The following TENM1 variants were observed in gnomAD, a reference collection of about 807,000 sequenced individuals.
TENM1 encodes teneurin-1.
In TENM1, 35 loss-of-function variants were observed where a neutral mutation model predicts 174.8. That is an observed-to-expected ratio of 0.20 (90% confidence interval 0.15 to 0.27). The LOEUF is 0.27. TENM1 is among the 10% of genes least tolerant of loss of function. The pLI, the probability that TENM1 is intolerant of heterozygous loss-of-function variation, is 1.00. For synonymous variants in TENM1, 781 were observed against 798.7 expected, an observed-to-expected ratio of 0.98 and a Z score of 0.37; for missense variants, 1,633 against 2,130.1, an observed-to-expected ratio of 0.77 and a Z score of 4.59.
At chrX:124,392,437 C>G in intron 27 of TENM1, 89 bp from the exon 31 acceptor site, 1 of 760,412 alleles carries the variant, frequency 1.3e-6, no homozygotes, top group Non-Finnish European at 1.9e-6. Context: ...TCCTGATTAT[C>G]CAACGATAGA....
At chrX:124,933,943 CAT>C (rs750418050) in intron 1 of TENM1, among the ~76,000 whole-genome samples, 59 of 111,413 alleles carry the variant, frequency 5.3e-4, no homozygotes, top group African/African-American at 1.6e-3. Context: ...CATTTTATCT[CAT>C]GTTTTTATTA....
chrX:124,554,695 C>T (rs901174797), intron 14 of TENM1, among the ~76,000 whole-genome samples: 9 of 111,737 alleles, frequency 8.1e-5, no homozygotes, highest in African/African-American at 2.9e-4. Flanking sequence ...CATGCTGGTG[C>T]CATTCTAAAC....
At chrX:125,044,643 T>C in the TENM1 span, among the ~76,000 whole-genome samples, 1 of 110,888 alleles carries the variant, frequency 9.0e-6, no homozygotes, top group African/African-American at 3.3e-5. Context: ...AGCCTGAGTA[T>C]TATCAATAAC....
the TENM1 span, among the ~76,000 whole-genome samples, chrX:125,045,579 G>A: frequency 9.0e-6 from 1 of 111,130 alleles, no homozygotes; most frequent in Non-Finnish European, 1.9e-5. Context: ...GGCTATAGAC[G>A]ATCTATATTA....
chrX:124,474,568 T>G (rs2061367711), intron 22 of TENM1, among the ~76,000 whole-genome samples: 1 of 112,005 alleles, frequency 8.9e-6, no homozygotes, highest in Admixed American at 9.5e-5. Flanking sequence ...AAACTTAATA[T>G]AGGTCTTCCA....
Position 124,566,799 on chromosome X carries a change from G to T in TENM1, c.2078-1239C>A, listed in dbSNP as rs765316942. On this transcript the variant is annotated intron_variant, in intron 11 of 31. Transcript: ENST00000422452. ...TCACAAGTATTCTTTGAAGGTCAGGGTATGATGGGAAGAGTAGTAAATTTG... is the reference window on the plus strand; with the variant it reads ...TCACAAGTATTCTTTGAAGGTCAGGTTATGATGGGAAGAGTAGTAAATTTG... 4.5e-5 allele frequency among the ~76,000 whole-genome samples: 5 copies of T among 111,820 alleles called. No homozygotes were observed. In the South Asian group the frequency reaches 1.9e-3, roughly 42 times the overall value.
chrX:124,627,805 C>G (rs1438682847), intron 11 of TENM1, among the ~76,000 whole-genome samples: 5 of 111,973 alleles, frequency 4.5e-5, no homozygotes, highest in Non-Finnish European at 9.4e-5. Flanking sequence ...ATTCTGCTCT[C>G]TCCAAGTTAC....
chrX:125,160,154 C>T, the TENM1 span, among the ~76,000 whole-genome samples: 1 of 101,940 alleles, frequency 9.8e-6, no homozygotes, highest in Non-Finnish European at 2.0e-5. Context: ...GAGCTGAGAT[C>T]ACCACTACTG....
intron 3 of TENM1, among the ~76,000 whole-genome samples, chrX:124,839,092 A>G (rs1004355377): frequency 3.6e-5 from 4 of 111,881 alleles, no homozygotes; most frequent in African/African-American, 1.3e-4. Context: ...TATTCATACA[A>G]TGGAATATTA....
chrX:124,460,645 G>C (rs905137819), intron 22 of TENM1, among the ~76,000 whole-genome samples: 59 of 109,186 alleles, frequency 5.4e-4, no homozygotes, highest in African/African-American at 1.9e-3. Context: ...CTTAATACCT[G>C]GGTGATGAAA....
the TENM1 span, among the ~76,000 whole-genome samples, chrX:125,153,544 T>TAACA: frequency 1.8e-5 from 2 of 112,430 alleles, no homozygotes; most frequent in Non-Finnish European, 1.9e-5. Flanking sequence ...TAATCCCATC[T>TAACA]AACATTTGTA....
intron 28 of TENM1, among the ~76,000 whole-genome samples, chrX:124,389,326 A>T (rs775338720): frequency 1.6e-4 from 18 of 112,334 alleles, no homozygotes; most frequent in Middle Eastern, 4.6e-3. Context: ...GTAATACCAG[A>T]GTATTTTGGG....
intron 5 of TENM1, among the ~76,000 whole-genome samples, chrX:124,684,447 A>G (rs913364738): frequency 1.8e-5 from 2 of 112,670 alleles, no homozygotes; most frequent in Non-Finnish European, 3.8e-5. Context: ...AGAGTGAAGT[A>G]AACACCTAAC....
upstream of TENM1, among the ~76,000 whole-genome samples, chrX:124,966,954 G>A (rs1368816858): frequency 1.8e-5 from 2 of 111,507 alleles, no homozygotes; most frequent in African/African-American, 3.3e-5. Flanking sequence ...TGGAGAGAAC[G>A]TGGAAATGCA....
At chrX:124,396,047 T>C (rs2060329414) in intron 27 of TENM1, among the ~76,000 whole-genome samples, 1 of 111,771 alleles carries the variant, frequency 8.9e-6, no homozygotes, top group Non-Finnish European at 1.9e-5. Flanking sequence ...AGGACAACTC[T>C]GCCTAATGTT....
At chrX:125,153,036 T>C in the TENM1 span, among the ~76,000 whole-genome samples, 102 of 111,765 alleles carry the variant, frequency 9.1e-4, no homozygotes, top group African/African-American at 3.1e-3. Flanking sequence ...GGTAAAAACT[T>C]TGTTTCCCCC....
At chrX:124,805,256 G>A (rs758453060) in intron 3 of TENM1, among the ~76,000 whole-genome samples, 2 of 112,082 alleles carry the variant, frequency 1.8e-5, no homozygotes, top group South Asian at 7.6e-4. Flanking sequence ...TGAGTAATGG[G>A]AGGAATAATT....
chrX:124,501,710 G>A (rs2047334371), intron 19 of TENM1, among the ~76,000 whole-genome samples: 1 of 111,391 alleles, frequency 9.0e-6, no homozygotes, highest in Non-Finnish European at 1.9e-5. Flanking sequence ...CTGACCCGAG[G>A]GGGAAAGAGC....
chrX:124,645,979 T>G (rs1376471739), intron 9 of TENM1, among the ~76,000 whole-genome samples: 1 of 111,830 alleles, frequency 8.9e-6, no homozygotes, highest in African/African-American at 3.3e-5. Flanking sequence ...AGCAAGTGTT[T>G]TAGAATTCGC....
Sources: gnomAD v4.1 joint callset for allele counts (sites outside exome capture counted in the v4.1 genomes callset) on GRCh38, gnomAD v4.1.1 for gene constraint, MANE v1.5 for transcripts, NCBI Gene and HGNC (gene_info 2026-07-23, HGNC 2026-07-21) for gene names.